The following RPS6KC1 variants were observed in gnomAD, a reference collection of about 807,000 sequenced individuals.
RPS6KC1 encodes the protein ribosomal protein S6 kinase C1, also known as inactive ribosomal protein S6 kinase delta-1.
A neutral mutation model predicts 103.8 loss-of-function variants in RPS6KC1; 54 were observed. The observed-to-expected ratio is 0.52, with a 90% CI of 0.42 to 0.65. The LOEUF is 0.65. Among genes scored for constraint, RPS6KC1 ranks in the 30% least tolerant of loss-of-function variants. The probability of loss-of-function intolerance (pLI) is 0.00; values close to 1 mark genes in which losing one functional copy is unlikely to be tolerated. For synonymous variants in RPS6KC1, 439 were observed against 438.7 expected (o/e 1.00, Z -0.01); for missense variants, 1,151 against 1,253.8 (o/e 0.92, Z 1.24).
intron 2 of RPS6KC1, among the ~76,000 whole-genome samples, chr1:213,074,899 C>G (rs1326926698): frequency 8.4e-6 from 1 of 118,508 alleles, no homozygotes; most frequent in Non-Finnish European, 1.6e-5. Context: ...GTCACCCAGG[C>G]TGGAGTGCAG....
the RPS6KC1 span, among the ~76,000 whole-genome samples, chr1:213,440,167 A>G: frequency 1.3e-5 from 2 of 152,182 alleles, no homozygotes; most frequent in African/African-American, 4.8e-5. Context: ...TGTGAAGTCA[A>G]ACGCTTTCCA....
intron 14 of RPS6KC1, among the ~76,000 whole-genome samples, chr1:213,266,574 C>T (rs1038066108): frequency 3.3e-5 from 5 of 152,040 alleles, no homozygotes; most frequent in African/African-American, 1.2e-4. Context: ...GGAAATGGAT[C>T]AAAGGATACA....
chr1:213,367,167 A>G, the RPS6KC1 span, among the ~76,000 whole-genome samples: 34 of 152,338 alleles, frequency 2.2e-4, no homozygotes, highest in African/African-American at 7.7e-4. Flanking sequence ...TCTAACTAAT[A>G]TAGAGTAGGA....
the RPS6KC1 span, among the ~76,000 whole-genome samples, chr1:213,680,663 G>A: frequency 1.3e-5 from 2 of 152,132 alleles, no homozygotes; most frequent in East Asian, 3.9e-4. Context: ...TGGGGCTCGG[G>A]AGGGGGAAGG....
At chr1:213,490,192 G>C in the RPS6KC1 span, among the ~76,000 whole-genome samples, 1 of 152,146 alleles carries the variant, frequency 6.6e-6, no homozygotes, top group Non-Finnish European at 1.5e-5. Context: ...GCTTTTTCCA[G>C]AAGAAGCTCT....
At chr1:213,641,942 G>T in the RPS6KC1 span, among the ~76,000 whole-genome samples, 1 of 148,620 alleles carries the variant, frequency 6.7e-6, no homozygotes, top group Admixed American at 6.7e-5. Context: ...GCTCCTGAAG[G>T]CTAACCATTG....
the RPS6KC1 span, among the ~76,000 whole-genome samples, chr1:213,595,139 A>G: frequency 6.6e-6 from 1 of 152,170 alleles, no homozygotes; most frequent in Non-Finnish European, 1.5e-5. Context: ...CACAAACACT[A>G]GTTCCAGACT....
At chr1:213,602,233 CTTCCTCT>C in the RPS6KC1 span, among the ~76,000 whole-genome samples, 15 of 120,850 alleles carry the variant, frequency 1.2e-4, no homozygotes, top group South Asian at 4.5e-3. Flanking sequence ...TCCTTCCTTC[CTTCCTCT>C]CTTTCTCTCT....
At chr1:213,311,567 G>A in the RPS6KC1 span, among the ~76,000 whole-genome samples, 151,663 of 152,174 alleles carry the variant, frequency 1, 75,579 homozygotes, top group East Asian at 1. Context: ...GTAGTGGGAA[G>A]AGAGGTTGAA....
the RPS6KC1 span, among the ~76,000 whole-genome samples, chr1:213,395,767 A>G: frequency 6.6e-6 from 1 of 152,248 alleles, no homozygotes; most frequent in Non-Finnish European, 1.5e-5. Context: ...GCCCTGGAAA[A>G]GACACTTGTT....
the RPS6KC1 span, among the ~76,000 whole-genome samples, chr1:213,292,257 AAAATT>A: frequency 0.97 from 147,340 of 151,694 alleles, 71,710 homozygotes; most frequent in East Asian, 1. Flanking sequence ...TAATAATAAT[AAAATT>A]AAATTAAATT....
intron 8 of RPS6KC1, among the ~76,000 whole-genome samples, chr1:213,179,009 G>A (rs750455981): frequency 6.6e-6 from 1 of 151,998 alleles, no homozygotes; most frequent in Non-Finnish European, 1.5e-5. Flanking sequence ...TGTGAGCCAT[G>A]GTGCCTGGCC....
chr1:213,205,178 A>G (rs2093301167), intron 8 of RPS6KC1: 1 of 892,680 alleles, frequency 1.1e-6, no homozygotes, highest in Non-Finnish European at 1.3e-6. Context: ...GAGTATCACC[A>G]AAAGAAAGTT....
the RPS6KC1 span, among the ~76,000 whole-genome samples, chr1:213,773,951 T>C: frequency 9.9e-5 from 15 of 152,236 alleles, no homozygotes; most frequent in African/African-American, 3.6e-4. Context: ...TTTTCACAAA[T>C]GATTCCCTAA....
the RPS6KC1 span, among the ~76,000 whole-genome samples, chr1:213,795,490 G>A: frequency 7.2e-5 from 11 of 152,150 alleles, no homozygotes; most frequent in African/African-American, 2.7e-4. Flanking sequence ...CTTGGGAAAC[G>A]ATGCTTTAGT....
chr1:213,116,022 A>G (rs200309441), intron 4 of RPS6KC1, among the ~76,000 whole-genome samples: 3 of 151,808 alleles, frequency 2.0e-5, no homozygotes, highest in Non-Finnish European at 4.4e-5. Context: ...AAAAAAATGT[A>G]TATTCTGTTG....
At chr1:213,453,611 G>C in the RPS6KC1 span, among the ~76,000 whole-genome samples, 1 of 152,170 alleles carries the variant, frequency 6.6e-6, no homozygotes, top group East Asian at 1.9e-4. Context: ...AGTGTGGTTG[G>C]AGCTCAGTCA....
chr1:213,576,268 A>G, the RPS6KC1 span, among the ~76,000 whole-genome samples: 3 of 152,252 alleles, frequency 2.0e-5, no homozygotes, highest in African/African-American at 7.2e-5. Flanking sequence ...TAGTATAACA[A>G]TTACTTACCT....
At position 213,223,632 on chromosome 1, in the gene RPS6KC1, C is replaced by T. The variant is rs75019336; in HGVS notation, c.1045-6865C>T. On this transcript the variant is annotated intron_variant, in intron 8 of 14. Coordinates refer to ENST00000366960, the MANE Select transcript of RPS6KC1 (RefSeq NM_012424.6). ...TGGTCGCTGGGCACTTAGGTTGGTT[C>T]GGTATCATTGCAGTTGCTAATCGTG... Among the ~76,000 whole-genome samples, 470 of 152,202 alleles carry T rather than the reference C, an allele frequency of 3.1e-3. 1 individual carries two copies. Among genetic ancestry groups the T allele is most frequent in the African/African-American group, 9.9e-3 (411 of 41,540 alleles).
Sources: allele counts gnomAD v4.1 joint callset (sites outside exome capture counted in the v4.1 genomes callset), GRCh38; gene constraint gnomAD v4.1.1; transcripts MANE v1.5; gene names NCBI Gene and HGNC (gene_info 2026-07-23, HGNC 2026-07-21).